Variants in KMT2C observed in about 807,000 individuals in gnomAD.
KMT2C encodes lysine methyltransferase 2C.
KMT2C carries 88 observed loss-of-function variants against 507.9 expected under a neutral mutation model. The ratio of observed to expected loss-of-function variants is 0.17; its 90% CI spans 0.15 to 0.21. KMT2C has a LOEUF of 0.21. Ranked by LOEUF, KMT2C falls within the 10% of genes least tolerant of loss-of-function variation. The pLI, the probability that KMT2C is intolerant of heterozygous loss-of-function variation, is 1.00. For synonymous variants in KMT2C, 2,049 were observed against 2,080.8 expected, an observed-to-expected ratio of 0.98 and a Z score of 0.42; for missense variants, 4,954 against 5,957.8, an observed-to-expected ratio of 0.83 and a Z score of 5.55.
chr7:152,367,338 C>T, intron 1 of KMT2C: 1 of 840,834 alleles, frequency 1.2e-6, no homozygotes, highest in Non-Finnish European at 2.0e-6. Flanking sequence ...CGCAGAAGCC[C>T]TGAAGCAGAC....
chr7:152,418,530 C>T (rs1449397243), intron 1 of KMT2C, among the ~76,000 whole-genome samples: 1 of 151,900 alleles, frequency 6.6e-6, no homozygotes, highest in Admixed American at 6.6e-5. Flanking sequence ...TCCCGGATTC[C>T]AGCGATTCTC....
intron 3 of KMT2C, among the ~76,000 whole-genome samples, chr7:152,324,725 C>T (rs950738448): frequency 1.3e-5 from 2 of 151,982 alleles, no homozygotes; most frequent in Non-Finnish European, 2.9e-5. Context: ...GGAGTCAATT[C>T]CTGTCTTAAA....
intron 40 of KMT2C, among the ~76,000 whole-genome samples, chr7:152,170,017 CAT>C (rs1175122961): frequency 6.6e-6 from 1 of 152,112 alleles, no homozygotes; most frequent in East Asian, 1.9e-4. Context: ...TTCTCCTTAA[CAT>C]GAGCTGTATA....
chr7:152,179,815 A>C lies in KMT2C; in HGVS notation c.7442+19T>G, dbSNP rs1417679062. ...CTTCTAATAGCAATTTAAATTCGGC[A>C]GGAAATTAAAAGCATTACCTAAATC... On this transcript the variant is annotated intron_variant, in intron 37 of 58. Coordinates refer to ENST00000262189, the MANE Select transcript of KMT2C (RefSeq NM_170606.3). 6.2e-7 allele frequency: 1 copy of C among 1,607,460 alleles called. No homozygotes were observed.
At chr7:152,230,980 C>T (rs1383623919) in intron 16 of KMT2C, among the ~76,000 whole-genome samples, 1 of 152,060 alleles carries the variant, frequency 6.6e-6, no homozygotes, top group East Asian at 1.9e-4. Context: ...CCATGCCCAG[C>T]TAATTTCTGT....
chr7:152,227,207 T>G (rs545988591), intron 18 of KMT2C, among the ~76,000 whole-genome samples: 46 of 152,340 alleles, frequency 3.0e-4, no homozygotes, highest in Non-Finnish European at 5.7e-4. Flanking sequence ...CTTCAACACT[T>G]CAACAATTTC....
intron 23 of KMT2C, among the ~76,000 whole-genome samples, chr7:152,209,930 A>AATCTCTTGTTGCTTGGG (rs2094414540): frequency 6.6e-6 from 1 of 152,136 alleles, no homozygotes; most frequent in Non-Finnish European, 1.5e-5. Flanking sequence ...AAGAGATTTA[A>AATCTCTTGTTGCTTGGG]TTATCTGCAG....
intron 14 of KMT2C, chr7:152,239,058 G>A: frequency 2.6e-6 from 1 of 383,486 alleles, no homozygotes; most frequent in Non-Finnish European, 4.7e-6. Context: ...TTCTGCCTGA[G>A]ACATCACTAC....
At chr7:152,408,246 C>T (rs1207023950) in intron 1 of KMT2C, among the ~76,000 whole-genome samples, 1 of 151,846 alleles carries the variant, frequency 6.6e-6, no homozygotes, top group Non-Finnish European at 1.5e-5. Context: ...CAAAATCGTG[C>T]CACTGCACTC....
At chr7:152,305,169 C>T (rs939402325) in intron 6 of KMT2C, among the ~76,000 whole-genome samples, 1 of 151,914 alleles carries the variant, frequency 6.6e-6, no homozygotes, top group African/African-American at 2.4e-5. Flanking sequence ...AAACCCCATC[C>T]GAATGGCACT....
chr7:152,150,799 C>T (rs1393375368), intron 51 of KMT2C, 101 bp downstream of exon 51: 12 of 802,494 alleles, frequency 1.5e-5, no homozygotes, highest in Non-Finnish European at 2.3e-5. Context: ...CCACACAGAG[C>T]TCCATGAAGG....
rs753649191 is a variant in KMT2C at position 152,182,096 on chromosome 7, G to A, written c.5764C>T (p.Pro1922Ser). 1 of 1,614,208 alleles carries A rather than the reference G, an allele frequency of 6.2e-7. No individual in the cohort carries two copies. Among genetic ancestry groups the A allele is most frequent in the Non-Finnish European group, 8.5e-7 (1 of 1,180,030 alleles). Residue 1922 changes from proline (P) to serine (S), a missense_variant, in exon 36 of 59, where the codon CCA (proline) becomes TCA (serine). Physicochemically the swap from Pro to Ser is moderately conservative, Grantham distance 74. This residue lies in a region of KMT2C where 1,689 missense variants were observed against 1,654.3 expected (regional missense o/e 1.02). Transcript: ENST00000262189. ...GATAAAGGTGTACAGTTTTCCACTG[G>A]TGCAGCAGAATTTCTTCTGGAAAAA... ...HSFSRRNSAAPVENCTPLSSV... is the reference protein window; with the variant it reads ...HSFSRRNSAASVENCTPLSSV...
chr7:152,367,265 A>G (rs2097255124), intron 1 of KMT2C: 1 of 1,331,376 alleles, frequency 7.5e-7, no homozygotes, highest in Non-Finnish European at 1.1e-6. Context: ...GAAGGAACCA[A>G]CATTCAAAGC....
chr7:152,239,888 A>C (rs2095352658), intron 14 of KMT2C, among the ~76,000 whole-genome samples: 1 of 152,270 alleles, frequency 6.6e-6, no homozygotes, highest in Admixed American at 6.5e-5. Flanking sequence ...CATTAATCAC[A>C]TAAAAATACC....
At chr7:152,353,849 G>A (rs2097132470) in intron 2 of KMT2C, among the ~76,000 whole-genome samples, 1 of 152,088 alleles carries the variant, frequency 6.6e-6, no homozygotes, top group African/African-American at 2.4e-5. Flanking sequence ...CAAGGCACAG[G>A]ATTTACAGGA....
At chr7:152,214,380 C>T (rs909046401) in intron 23 of KMT2C, among the ~76,000 whole-genome samples, 2 of 152,124 alleles carry the variant, frequency 1.3e-5, no homozygotes, top group Non-Finnish European at 2.9e-5. Flanking sequence ...GAAATTGTGA[C>T]GTGTGTATAC....
chr7:152,325,977 C>T (rs561554114), intron 3 of KMT2C, among the ~76,000 whole-genome samples: 2 of 151,544 alleles, frequency 1.3e-5, no homozygotes, highest in African/African-American at 4.8e-5. Context: ...CTTCCTTCCT[C>T]ACTAATTTGT....
intron 6 of KMT2C, among the ~76,000 whole-genome samples, chr7:152,296,644 TCTGGATGCACC>T (rs2096499590): frequency 1.3e-5 from 2 of 152,086 alleles, no homozygotes; most frequent in African/African-American, 4.8e-5. Context: ...ACCAATATGT[TCTGGATGCACC>T]AAGAAAAGAT....
At chr7:152,395,764 T>A (rs550555423) in intron 1 of KMT2C, among the ~76,000 whole-genome samples, 37 of 152,316 alleles carry the variant, frequency 2.4e-4, no homozygotes, top group African/African-American at 8.4e-4. Flanking sequence ...TGCCTCAGCC[T>A]CAGGCGTGAA....
Sources: allele counts gnomAD v4.1 joint callset (sites outside exome capture counted in the v4.1 genomes callset), GRCh38; gene constraint gnomAD v4.1.1; regional missense constraint gnomAD v4.1.1; transcripts MANE v1.5; gene names NCBI Gene and HGNC (gene_info 2026-07-23, HGNC 2026-07-21).